CNTN5: variants seen among roughly 807,000 people sequenced by gnomAD.
CNTN5 encodes the protein contactin-5.
Under a neutral mutation model 129.1 loss-of-function variants are expected in CNTN5, and 77 were observed. The observed-to-expected ratio is 0.60, with a 90% CI of 0.50 to 0.72. The LOEUF is 0.72. CNTN5 is among the 30% of genes least tolerant of loss of function. The probability of loss-of-function intolerance (pLI) is 0.00; values close to 1 mark genes in which losing one functional copy is unlikely to be tolerated. For missense variants in CNTN5, 1,478 were observed against 1,328.8 expected (o/e 1.11, Z -1.75); for synonymous variants, 509 against 465.6 (o/e 1.09, Z -1.20).
At chr11:99,907,473 T>A (rs1565663921) in intron 6 of CNTN5, among the ~76,000 whole-genome samples, 1 of 151,956 alleles carries the variant, frequency 6.6e-6, no homozygotes, top group Non-Finnish European at 1.5e-5. Context: ...TCCAGTTGCC[T>A]ATTATTTTCC....
chr11:99,974,376 G>A (rs971790958), intron 8 of CNTN5, among the ~76,000 whole-genome samples: 9 of 152,104 alleles, frequency 5.9e-5, no homozygotes, highest in East Asian at 1.9e-4. Context: ...TCTAACTCAC[G>A]GTGATTGTTT....
At chr11:99,950,376 G>A (rs1950644719) in intron 7 of CNTN5, among the ~76,000 whole-genome samples, 1 of 152,214 alleles carries the variant, frequency 6.6e-6, no homozygotes, top group African/African-American at 2.4e-5. Flanking sequence ...AGCTACTCAG[G>A]AGGCTGAGGC....
At chr11:100,006,150 T>C (rs1940177249) in intron 9 of CNTN5, among the ~76,000 whole-genome samples, 1 of 152,182 alleles carries the variant, frequency 6.6e-6, no homozygotes, top group East Asian at 1.9e-4. Context: ...TACAACAATT[T>C]ACACACGTTG....
chr11:99,572,351 C>G (rs897226274), intron 3 of CNTN5, among the ~76,000 whole-genome samples: 4 of 152,198 alleles, frequency 2.6e-5, no homozygotes, highest in African/African-American at 9.7e-5. Flanking sequence ...TGTTGGGCTG[C>G]ATTTAAAGCC....
chr11:100,259,293 A>G (rs1192587398), intron 17 of CNTN5, among the ~76,000 whole-genome samples: 2 of 152,040 alleles, frequency 1.3e-5, no homozygotes, highest in Non-Finnish European at 2.9e-5. Context: ...CATATTCATA[A>G]AGCAAGTCCT....
intron 2 of CNTN5, among the ~76,000 whole-genome samples, chr11:99,345,885 A>G (rs1022489335): frequency 6.6e-6 from 1 of 152,216 alleles, no homozygotes; most frequent in African/African-American, 2.4e-5. Flanking sequence ...AAGAGTAAGT[A>G]GAAAACCTCA....
At chr11:99,947,963 G>A (rs1030044040) in intron 7 of CNTN5, among the ~76,000 whole-genome samples, 7 of 151,920 alleles carry the variant, frequency 4.6e-5, no homozygotes, top group African/African-American at 1.2e-4. Context: ...TTAATTATTC[G>A]TGTTATGTAT....
chr11:99,697,740 C>T (rs1424577506), intron 3 of CNTN5, among the ~76,000 whole-genome samples: 1 of 151,504 alleles, frequency 6.6e-6, no homozygotes, highest in East Asian at 1.9e-4. Context: ...TATAAGGTAT[C>T]GATAATACTA....
chr11:100,002,379 A>G (rs1283990134), intron 9 of CNTN5, among the ~76,000 whole-genome samples: 1 of 152,160 alleles, frequency 6.6e-6, no homozygotes, highest in Admixed American at 6.5e-5. Context: ...TCTTTAATGA[A>G]TAAAAAGCTT....
intron 3 of CNTN5, among the ~76,000 whole-genome samples, chr11:99,753,625 T>C (rs1944309686): frequency 7.0e-6 from 1 of 143,630 alleles, no homozygotes; most frequent in African/African-American, 2.6e-5. Flanking sequence ...TTTAAGCAGA[T>C]GTGAGTCTCT....
At chr11:99,640,239 G>A (rs191960474) in intron 3 of CNTN5, among the ~76,000 whole-genome samples, 1 of 152,224 alleles carries the variant, frequency 6.6e-6, no homozygotes, top group East Asian at 1.9e-4. Context: ...TTTTCAGCAA[G>A]GCCCCTCTCT....
At chr11:100,285,213 A>AT (rs1250154911) in intron 18 of CNTN5, among the ~76,000 whole-genome samples, 4 of 152,176 alleles carry the variant, frequency 2.6e-5, no homozygotes, top group African/African-American at 4.8e-5. Flanking sequence ...GAAAAAGTAT[A>AT]TTTTTTCATA....
At chr11:99,346,703 G>A (rs1937905016) in intron 2 of CNTN5, among the ~76,000 whole-genome samples, 1 of 152,196 alleles carries the variant, frequency 6.6e-6, no homozygotes, top group South Asian at 2.1e-4. Flanking sequence ...ATTTAGAGAT[G>A]TGACCTCTGG....
chr11:99,465,688 A>G (rs1486517899), intron 2 of CNTN5, among the ~76,000 whole-genome samples: 1 of 151,904 alleles, frequency 6.6e-6, no homozygotes, highest in Admixed American at 6.6e-5. Context: ...AAAAAGAAAT[A>G]CCTGAGATGG....
chr11:100,315,475 A>T (rs574175876), intron 21 of CNTN5, among the ~76,000 whole-genome samples: 2 of 152,350 alleles, frequency 1.3e-5, no homozygotes, highest in Admixed American at 6.5e-5. Flanking sequence ...GATGACAGCC[A>T]GACAAAGTGA....
intron 3 of CNTN5, among the ~76,000 whole-genome samples, chr11:99,575,408 G>T (rs1949312699): frequency 6.6e-6 from 1 of 152,094 alleles, no homozygotes; most frequent in African/African-American, 2.4e-5. Flanking sequence ...AACTGCTTGT[G>T]GTCATTGGAG....
chr11:99,563,888 A>G (rs1948921850), intron 3 of CNTN5, among the ~76,000 whole-genome samples: 1 of 152,190 alleles, frequency 6.6e-6, no homozygotes. Flanking sequence ...GACAAAGCAA[A>G]TCCCATGAGC....
intron 2 of CNTN5, among the ~76,000 whole-genome samples, chr11:99,447,321 A>G (rs745537351): frequency 1.9e-4 from 29 of 152,202 alleles, no homozygotes; most frequent in Non-Finnish European, 3.2e-4. Context: ...TTTTAGGCAC[A>G]CGATTTTTCA....
chr11:99,671,979 T>C (rs538182513), intron 3 of CNTN5, among the ~76,000 whole-genome samples: 1 of 152,296 alleles, frequency 6.6e-6, no homozygotes, highest in African/African-American at 2.4e-5. Context: ...AATGTTACTT[T>C]CCTTGTAATC....
Sources: gnomAD v4.1 joint callset for allele counts (sites outside exome capture counted in the v4.1 genomes callset) on GRCh38, gnomAD v4.1.1 for gene constraint, MANE v1.5 for transcripts, NCBI Gene and HGNC (gene_info 2026-07-23, HGNC 2026-07-21) for gene names.